AFF4: variants seen among roughly 807,000 people sequenced by gnomAD.
AFF4 encodes the protein ALF transcription elongation factor 4, also known as AF4/FMR2 family member 4.
AFF4 carries 13 observed loss-of-function variants against 124.8 expected under a neutral mutation model. The ratio of observed to expected loss-of-function variants is 0.10; its 90% CI spans 0.07 to 0.17. The LOEUF is 0.17. AFF4 is among the 10% of genes least tolerant of loss of function. The probability of loss-of-function intolerance (pLI) is 1.00; values close to 1 mark genes in which losing one functional copy is unlikely to be tolerated. For synonymous variants in AFF4, 477 were observed against 496.1 expected (o/e 0.96, Z 0.51); for missense variants, 1,092 against 1,403.8 (o/e 0.78, Z 3.55).
chr5:132,916,044 G>C (rs1222856424), intron 5 of AFF4, among the ~76,000 whole-genome samples: 1 of 151,610 alleles, frequency 6.6e-6, no homozygotes, highest in Admixed American at 6.6e-5. Context: ...CACGAGTTCA[G>C]GACCAGCCTG....
At chr5:132,957,614 A>G (rs1428359027) in intron 1 of AFF4, among the ~76,000 whole-genome samples, 1 of 151,808 alleles carries the variant, frequency 6.6e-6, no homozygotes, top group Non-Finnish European at 1.5e-5. Context: ...GCGCCTGTAG[A>G]CCCCAGCTAC....
At chr5:132,886,248 G>A (rs1760116324) in intron 18 of AFF4, 62 bp downstream of exon 18, 2 of 1,422,252 alleles carry the variant, frequency 1.4e-6, no homozygotes, top group Admixed American at 1.8e-5. Flanking sequence ...GTTCTCAGAT[G>A]GGGATGGGAG....
intron 5 of AFF4, among the ~76,000 whole-genome samples, chr5:132,906,659 G>T (rs990095493): frequency 6.6e-6 from 1 of 152,240 alleles, no homozygotes; most frequent in Non-Finnish European, 1.5e-5. Context: ...TTTTTGAGTT[G>T]ATGATTTATA....
At chr5:132,946,616 C>T (rs1761702582) in intron 1 of AFF4, among the ~76,000 whole-genome samples, 1 of 152,012 alleles carries the variant, frequency 6.6e-6, no homozygotes. Context: ...TAATATGAGG[C>T]ACCTAGAATA....
intron 1 of AFF4, among the ~76,000 whole-genome samples, chr5:132,955,797 T>A (rs58030342): frequency 0.31 from 30,921 of 99,284 alleles, 4,503 homozygotes; most frequent in Non-Finnish European, 0.36. Flanking sequence ...AAAAAAAAAA[T>A]ATATATATAT....
At chr5:132,913,578 C>T (rs1196026704) in intron 5 of AFF4, among the ~76,000 whole-genome samples, 1 of 152,066 alleles carries the variant, frequency 6.6e-6, no homozygotes, top group African/African-American at 2.4e-5. Flanking sequence ...TGAGTAGTTG[C>T]AACTGCAGGT....
chr5:132,946,787 A>T (rs1165781260), intron 1 of AFF4, among the ~76,000 whole-genome samples: 1 of 152,246 alleles, frequency 6.6e-6, no homozygotes, highest in African/African-American at 2.4e-5. Flanking sequence ...AGTAAATTTT[A>T]TATTTTGCCA....
At position 132,949,618 on chromosome 5, in the gene AFF4, T is replaced by C. The variant is rs79089244; in HGVS notation, c.-4-12425A>G. ...CAAGGCCAGGAGACTGAGACCATCC[T>C]GCGGGTGGATCACGAGGCCAGGAGA... On this transcript the variant is annotated intron_variant, in intron 1 of 20. Transcript: ENST00000265343. Among the ~76,000 whole-genome samples, 41 of 151,708 alleles carry C rather than the reference T, an allele frequency of 2.7e-4. No individual in the cohort carries two copies. In the East Asian group the frequency reaches 4.1e-3, roughly 15 times the overall value.
intron 5 of AFF4, among the ~76,000 whole-genome samples, chr5:132,912,167 A>C (rs1377555984): frequency 4.8e-5 from 7 of 146,186 alleles, no homozygotes; most frequent in Non-Finnish European, 1.5e-5. Flanking sequence ...GTCTCTACTA[A>C]AAATACAAAA....
chr5:132,889,225 G>T, intron 13 of AFF4, 52 bp from the exon 14 acceptor site: 1 of 1,271,688 alleles, frequency 7.9e-7, no homozygotes, highest in Non-Finnish European at 1.1e-6. Flanking sequence ...GATTAAAAAT[G>T]AAACTAATAG....
rs2150076926 is a variant in AFF4 at position 132,902,551 on chromosome 5, TA to T, written c.1088-65del. 4 of 1,156,386 alleles carry T rather than the reference TA, an allele frequency of 3.5e-6. No homozygotes were observed. In the East Asian group the frequency reaches 7.1e-5, roughly 20 times the overall value. 71.6% of individuals were successfully genotyped at this position (1,156,386 alleles called of 1,614,324 possible). A position where few individuals can be genotyped will look rare whatever the true frequency, so the allele number is the denominator to read the frequency against. Reference sequence around the variant, plus strand: ...CTATTTAGACTGTAAAATGTCTATGTAAAATACCCTCAAATAAATGTAAATC... The same window carrying T: ...CTATTTAGACTGTAAAATGTCTATGTAAATACCCTCAAATAAATGTAAATC... On this transcript the variant is annotated intron_variant, in intron 6 of 20. Transcript: ENST00000265343.
Position 132,934,630 on chromosome 5 carries a change from G to A in AFF4, c.435C>T (p.Asn145=), listed in dbSNP as rs1390955744. 2.5e-6 allele frequency: 4 copies of A among 1,614,068 alleles called. No individual in the cohort carries two copies. The highest frequency in any genetic ancestry group is 1.1e-5 in the South Asian group (1 of 91,080). ...RTSAGSSSGT[N]SSGQRHDRES... ...CACGGTCGTGCCTCTGACCACTACT[G>A]TTAGTGCCACTACTGCTACCTGCGC... Residue 145 remains asparagine, a synonymous_variant, in exon 3 of 21, where the codon AAC becomes AAT. Transcript: ENST00000265343.
At position 132,925,090 on chromosome 5, in the gene AFF4, G is replaced by A. The variant is rs189535799; in HGVS notation, c.1050+2031C>T. Among the ~76,000 whole-genome samples the A allele has an allele frequency of 7.2e-4, 109 of 152,040 alleles. 1 individual carries two copies. The East Asian group carries it at 0.016, about 22-fold the overall frequency. ...CTCGGGAGGCTGAGACAGGAGAATC[G>A]CTTGAACCCAAGAGGCAGAGGTTGC... On this transcript the variant is annotated intron_variant, in intron 5 of 20. Coordinates refer to ENST00000265343, the MANE Select transcript of AFF4 (RefSeq NM_014423.4).
At chr5:132,925,270 T>C (rs1370182107) in intron 5 of AFF4, among the ~76,000 whole-genome samples, 1 of 151,704 alleles carries the variant, frequency 6.6e-6, no homozygotes, top group Non-Finnish European at 1.5e-5. Context: ...ATGGCACACA[T>C]ATAGACAGAA....
At position 132,896,830 on chromosome 5, in the gene AFF4, TCTG is replaced by T; in HGVS notation, c.1797_1799del (p.Ser599del). On this transcript the variant is annotated inframe_deletion, in exon 11 of 21. Coordinates refer to ENST00000265343, the MANE Select transcript of AFF4 (RefSeq NM_014423.4). The stretch of plus-strand genomic sequence containing the variant: ...TTGAGCCTTTGGTGGCTGCTTTGTG[TCTG>T]CTGGAGGGCATGCTGCTAGCCAAGT... The T allele has an allele frequency of 6.2e-7, 1 of 1,614,036 alleles. No homozygotes were observed. The highest frequency in any genetic ancestry group is 1.1e-5 in the South Asian group (1 of 91,076).
intron 5 of AFF4, among the ~76,000 whole-genome samples, chr5:132,910,184 A>C (rs1171740400): frequency 6.6e-6 from 1 of 152,230 alleles, no homozygotes; most frequent in African/African-American, 2.4e-5. Context: ...TTTTATTCTA[A>C]ACAAAAGGAG....
intron 20 of AFF4, among the ~76,000 whole-genome samples, chr5:132,882,989 T>A (rs543556594): frequency 6.6e-6 from 1 of 152,332 alleles, no homozygotes; most frequent in Admixed American, 6.5e-5. Flanking sequence ...GATGTTTGGA[T>A]GTAATCTTAT....
intron 7 of AFF4, chr5:132,901,193 A>C: frequency 1.4e-4 from 132 of 972,686 alleles, no homozygotes; most frequent in Non-Finnish European, 1.6e-4. Flanking sequence ...ATGGCAGCTC[A>C]ATGAACTTGT....
At chr5:132,949,091 A>C (rs561103802) in intron 1 of AFF4, among the ~76,000 whole-genome samples, 1 of 151,996 alleles carries the variant, frequency 6.6e-6, no homozygotes, top group African/African-American at 2.4e-5. Context: ...CGGGTCTAAA[A>C]ACTGCTACTA....
Sources: gnomAD v4.1 joint callset for allele counts (sites outside exome capture counted in the v4.1 genomes callset) on GRCh38, gnomAD v4.1.1 for gene constraint, MANE v1.5 for transcripts, NCBI Gene and HGNC (gene_info 2026-07-23, HGNC 2026-07-21) for gene names.